SEMA3C: variants seen among roughly 807,000 people sequenced by gnomAD.
SEMA3C encodes the protein semaphorin 3C, also known as semaphorin-3C.
A neutral mutation model predicts 89.4 loss-of-function variants in SEMA3C; 47 were observed. The observed-to-expected ratio is 0.53, with a 90% CI of 0.42 to 0.67. SEMA3C has a LOEUF of 0.67. Ranked by LOEUF, SEMA3C falls within the 30% of genes least tolerant of loss-of-function variation. The pLI is 0.00. For missense variants in SEMA3C, 839 were observed against 929.1 expected, an observed-to-expected ratio of 0.90 and a Z score of 1.26; for synonymous variants, 310 against 320.2, an observed-to-expected ratio of 0.97 and a Z score of 0.34.
At chr7:80,796,559 G>A (rs1346305812) in intron 11 of SEMA3C, 3 of 152,072 alleles carry the variant, frequency 2.0e-5, no homozygotes, top group Non-Finnish European at 4.4e-5. Context: ...ATCTTAAAAC[G>A]GCTGTATCTG....
chr7:80,774,038 C>G (rs1020996854), intron 12 of SEMA3C, among the ~76,000 whole-genome samples: 10 of 152,184 alleles, frequency 6.6e-5, no homozygotes, highest in Non-Finnish European at 1.0e-4. Flanking sequence ...AGAGGAAGAC[C>G]TAATTTAGGC....
At chr7:80,760,947 T>C (rs887313061) in intron 14 of SEMA3C, among the ~76,000 whole-genome samples, 1 of 152,190 alleles carries the variant, frequency 6.6e-6, no homozygotes, top group African/African-American at 2.4e-5. Context: ...TAATACCTTT[T>C]GGAAATGGAG....
chr7:80,768,786 T>TTG lies in SEMA3C; in HGVS notation c.1355-3545_1355-3544dup, dbSNP rs36046400. 9.5e-3 allele frequency among the ~76,000 whole-genome samples: 1,425 copies of TTG among 150,054 alleles called. 9 individuals are homozygous for TTG. Among genetic ancestry groups the TTG allele is most frequent in the South Asian group, 0.014 (66 of 4,722 alleles). ...GAAACTGTGATAGCTAGGGCAAGAT[T>TTG]TGTGTGTGTGTGTGTGTGTGTCAAT... On this transcript the variant is annotated intron_variant, in intron 12 of 17. Transcript: ENST00000265361.
chr7:80,854,976 C>G (rs1583944928), intron 2 of SEMA3C, among the ~76,000 whole-genome samples: 1 of 152,068 alleles, frequency 6.6e-6, no homozygotes, highest in East Asian at 1.9e-4. Flanking sequence ...GAAGGCCATG[C>G]TATTTAAAGC....
At chr7:80,759,338 T>A (rs1418630915) in intron 14 of SEMA3C, among the ~76,000 whole-genome samples, 1 of 152,172 alleles carries the variant, frequency 6.6e-6, no homozygotes, top group Non-Finnish European at 1.5e-5. Context: ...CTCCTCCATG[T>A]ACAGATACAC....
intron 17 of SEMA3C, among the ~76,000 whole-genome samples, chr7:80,746,718 G>GGGGTGTGTGTGTGTGTGT (rs149678378): frequency 3.5e-5 from 5 of 142,930 alleles, no homozygotes; most frequent in South Asian, 2.3e-4. Context: ...ATTGAAGTGG[G>GGGGTGTGTGTGTGTGTGT]GTGTGTGTGT....
rs574730679 is a variant in SEMA3C at position 80,751,885 on chromosome 7, C to A, written c.1644-549G>T. ...ATTTACTAGAATAAGCATGTTGTCCCCAACTTTTTATTTTGAAAATTTCAA... is the reference window on the plus strand; with the variant it reads ...ATTTACTAGAATAAGCATGTTGTCCACAACTTTTTATTTTGAAAATTTCAA... On this transcript the variant is annotated intron_variant, in intron 15 of 17. Transcript: ENST00000265361. 5.9e-5 allele frequency among the ~76,000 whole-genome samples: 9 copies of A among 152,164 alleles called. No homozygotes were observed. In the South Asian group the frequency reaches 1.0e-3, roughly 18 times the overall value.
intron 12 of SEMA3C, among the ~76,000 whole-genome samples, chr7:80,783,625 C>T (rs973541308): frequency 6.6e-6 from 1 of 152,182 alleles, no homozygotes; most frequent in African/African-American, 2.4e-5. Context: ...TCAAATTTTA[C>T]ATGGGGTATT....
At chr7:80,745,388 C>T (rs1787777716) in intron 17 of SEMA3C, 81 bp from the exon 18 acceptor site, 1 of 1,336,020 alleles carries the variant, frequency 7.5e-7, no homozygotes, top group South Asian at 1.3e-5. Context: ...AGAATAGTCT[C>T]AACTTTCACA....
At chr7:80,789,615 T>G (rs1040392925) in intron 11 of SEMA3C, 87 bp from the exon 12 acceptor site, 1 of 914,608 alleles carries the variant, frequency 1.1e-6, no homozygotes, top group Non-Finnish European at 1.6e-6. Flanking sequence ...TTGAAATCAC[T>G]TAGAAGCTCC....
chr7:80,798,341 T>C (rs554108265), intron 10 of SEMA3C, 105 bp from the exon 11 acceptor site: 15 of 1,034,242 alleles, frequency 1.5e-5, no homozygotes, highest in African/African-American at 5.0e-5. Flanking sequence ...TAATCCACCA[T>C]AGAAAAGTTA....
At chr7:80,876,678 AT>A (rs1562919196) in intron 2 of SEMA3C, among the ~76,000 whole-genome samples, 2 of 152,242 alleles carry the variant, frequency 1.3e-5, no homozygotes, top group African/African-American at 4.8e-5. Context: ...TCATTAAAAT[AT>A]TTTTCAAAAT....
chr7:80,751,489 C>G (rs936664906), intron 15 of SEMA3C, among the ~76,000 whole-genome samples, 153 bp from the exon 16 acceptor site: 1 of 151,420 alleles, frequency 6.6e-6, no homozygotes, highest in Non-Finnish European at 1.5e-5. Flanking sequence ...AGCTATCTCA[C>G]ATTTCTTATA....
chr7:80,868,034 A>T (rs1442023356), intron 2 of SEMA3C, among the ~76,000 whole-genome samples: 1 of 152,194 alleles, frequency 6.6e-6, no homozygotes, highest in Non-Finnish European at 1.5e-5. Flanking sequence ...GTATTATGAA[A>T]TCTTGCAATT....
intron 4 of SEMA3C, among the ~76,000 whole-genome samples, chr7:80,826,998 T>C (rs956719323): frequency 2.6e-5 from 4 of 152,138 alleles, no homozygotes; most frequent in African/African-American, 9.7e-5. Context: ...TTATCACTGG[T>C]GATTTGTATT....
chr7:80,804,054 A>G, intron 8 of SEMA3C, 52 bp downstream of exon 8: 2 of 1,501,660 alleles, frequency 1.3e-6, no homozygotes, highest in Non-Finnish European at 1.8e-6. Context: ...GAGATAAACC[A>G]TAATTTGAAT....
At chr7:80,900,223 C>T (rs1000694954) in intron 2 of SEMA3C, among the ~76,000 whole-genome samples, 2 of 152,082 alleles carry the variant, frequency 1.3e-5, no homozygotes, top group African/African-American at 4.8e-5. Flanking sequence ...ACGCCATTCT[C>T]CCGCCTCAGC....
chr7:80,826,587 T>G (rs965527901), intron 4 of SEMA3C, among the ~76,000 whole-genome samples: 20 of 152,186 alleles, frequency 1.3e-4, no homozygotes, highest in African/African-American at 4.8e-4. Context: ...AGGTGCTGAA[T>G]CAGTATTTAT....
At chr7:80,796,487 C>G (rs1355753863) in intron 11 of SEMA3C, 1 of 152,282 alleles carries the variant, frequency 6.6e-6, no homozygotes, top group East Asian at 1.9e-4. Flanking sequence ...ACGCCATTCT[C>G]CTGCCTCAGC....
Sources: allele counts gnomAD v4.1 joint callset (sites outside exome capture counted in the v4.1 genomes callset), GRCh38; gene constraint gnomAD v4.1.1; transcripts MANE v1.5; gene names NCBI Gene and HGNC (gene_info 2026-07-23, HGNC 2026-07-21).